The following CORO2B variants were observed in gnomAD, a reference collection of about 807,000 sequenced individuals.
CORO2B encodes coronin-2B.
In CORO2B, 26 loss-of-function variants were observed where a neutral mutation model predicts 58.8. The ratio of observed to expected loss-of-function variants is 0.44; its 90% CI spans 0.32 to 0.61. CORO2B has a LOEUF of 0.61. CORO2B is among the 20% of genes least tolerant of loss of function. CORO2B has a pLI of 0.04. For missense variants in CORO2B, 460 were observed against 645.1 expected (o/e 0.71, Z 3.11); for synonymous variants, 242 against 253.8 (o/e 0.95, Z 0.44).
Position 68,680,071 on chromosome 15 carries a change from C to T in CORO2B, c.217-15069C>T, listed in dbSNP as rs75453902. Among the ~76,000 whole-genome samples, 449 of 151,704 alleles carry T rather than the reference C, an allele frequency of 3.0e-3. 13 individuals are homozygous for T. The East Asian group carries it at 0.077, about 26-fold the overall frequency. On this transcript the variant is annotated intron_variant, in intron 2 of 11. Transcript: ENST00000261861. ...GCACTGGGCCCCCGCAGAGTGTGCA[C>T]GCTCTTGGTGGATGGCGGTTCTCTC...
At chr15:68,539,678 T>C in the CORO2B span, among the ~76,000 whole-genome samples, 2 of 152,014 alleles carry the variant, frequency 1.3e-5, no homozygotes, top group East Asian at 1.9e-4. Flanking sequence ...TAAATAATAG[T>C]AATAATAATA....
At chr15:68,705,450 A>AAAGAAAAG (rs1408953496) in intron 3 of CORO2B, among the ~76,000 whole-genome samples, 3 of 151,296 alleles carry the variant, frequency 2.0e-5, no homozygotes, top group African/African-American at 7.3e-5. Flanking sequence ...AAAAAAAAAA[A>AAAGAAAAG]AAAAGAAAGT....
At chr15:68,612,749 C>G (rs896586506) in intron 1 of CORO2B, among the ~76,000 whole-genome samples, 1 of 152,242 alleles carries the variant, frequency 6.6e-6, no homozygotes, top group Admixed American at 6.5e-5. Flanking sequence ...CCGCAGTCTC[C>G]TCCTCTGCAA....
intron 3 of CORO2B, among the ~76,000 whole-genome samples, chr15:68,704,500 C>G (rs1026026590): frequency 1.2e-4 from 18 of 152,134 alleles, no homozygotes; most frequent in Non-Finnish European, 2.6e-4. Context: ...AAGGTCAGAG[C>G]CTGCATTCTA....
the CORO2B span, among the ~76,000 whole-genome samples, chr15:68,556,570 G>A: frequency 6.6e-6 from 1 of 152,270 alleles, no homozygotes; most frequent in South Asian, 2.1e-4. Flanking sequence ...CCCAAAGGCA[G>A]CTCCGCAGAG....
At chr15:68,554,963 C>T in the CORO2B span, among the ~76,000 whole-genome samples, 9 of 152,286 alleles carry the variant, frequency 5.9e-5, no homozygotes, top group Middle Eastern at 3.4e-3. Context: ...GCTGTGTGAG[C>T]GCAGAAAGGA....
At chr15:68,572,376 G>A in the CORO2B span, among the ~76,000 whole-genome samples, 1 of 152,182 alleles carries the variant, frequency 6.6e-6, no homozygotes. Context: ...TCCCTGCCAT[G>A]CTTGTAACCT....
At chr15:68,554,167 A>T in the CORO2B span, among the ~76,000 whole-genome samples, 1 of 152,060 alleles carries the variant, frequency 6.6e-6, no homozygotes, top group African/African-American at 2.4e-5. Context: ...ACAGAGAGGA[A>T]CCAAATAACA....
At chr15:68,704,403 T>A (rs913420983) in intron 3 of CORO2B, among the ~76,000 whole-genome samples, 5 of 152,010 alleles carry the variant, frequency 3.3e-5, no homozygotes, top group Non-Finnish European at 7.4e-5. Flanking sequence ...TTATAGCAGC[T>A]CTGCTGTATG....
At chr15:68,519,465 G>T in the CORO2B span, among the ~76,000 whole-genome samples, 1 of 152,070 alleles carries the variant, frequency 6.6e-6, no homozygotes, top group African/African-American at 2.4e-5. Flanking sequence ...ATTTTAGAAG[G>T]TGCACTCATA....
At chr15:68,615,938 T>C (rs1299096504) in intron 1 of CORO2B, among the ~76,000 whole-genome samples, 1 of 152,168 alleles carries the variant, frequency 6.6e-6, no homozygotes, top group East Asian at 1.9e-4. Context: ...GATAGAGACA[T>C]AAACTTTGCC....
chr15:68,610,264 C>T (rs1900216455), intron 1 of CORO2B, among the ~76,000 whole-genome samples: 3 of 152,184 alleles, frequency 2.0e-5, no homozygotes, highest in Admixed American at 2.0e-4. Context: ...GAGACAGGTT[C>T]TCTAGCGCCT....
At chr15:68,692,333 A>G (rs763692322) in intron 2 of CORO2B, among the ~76,000 whole-genome samples, 5 of 152,132 alleles carry the variant, frequency 3.3e-5, no homozygotes, top group Non-Finnish European at 7.3e-5. Context: ...GCGCAATGGC[A>G]CACGGCTTTG....
chr15:68,679,104 G>A (rs1046411346), intron 2 of CORO2B, among the ~76,000 whole-genome samples: 3 of 152,300 alleles, frequency 2.0e-5, no homozygotes, highest in African/African-American at 7.2e-5. Flanking sequence ...CTCTACTATG[G>A]GCCTGGCACC....
At chr15:68,641,562 G>A (rs762133516) in intron 1 of CORO2B, 14 of 985,238 alleles carry the variant, frequency 1.4e-5, no homozygotes, top group East Asian at 1.1e-4. Context: ...ACTGCGGGCC[G>A]CTGAGCGCTC....
At chr15:68,591,429 G>C (rs924999950) in intron 1 of CORO2B, among the ~76,000 whole-genome samples, 7 of 152,214 alleles carry the variant, frequency 4.6e-5, no homozygotes, top group Non-Finnish European at 8.8e-5. Flanking sequence ...GGACAGGCAG[G>C]CAGGGGCCAT....
At chr15:68,620,664 T>A (rs1007374247) in intron 1 of CORO2B, among the ~76,000 whole-genome samples, 2 of 152,212 alleles carry the variant, frequency 1.3e-5, no homozygotes, top group Non-Finnish European at 2.9e-5. Flanking sequence ...TCTCATTCCT[T>A]TTTTTAATCT....
chr15:68,614,061 T>C (rs1595968554), intron 1 of CORO2B, among the ~76,000 whole-genome samples: 1 of 152,206 alleles, frequency 6.6e-6, no homozygotes, highest in East Asian at 1.9e-4. Context: ...TGCATTGGAA[T>C]CTCTTGGGTG....
chr15:68,714,036 G>T lies in CORO2B; in HGVS notation c.760G>T (p.Asp254Tyr). ...RWNTRQIALWDQEDLSMPLIE... is the reference protein window; with the variant it reads ...RWNTRQIALWYQEDLSMPLIE... ...GAACACAAGACAGATTGCCCTCTGG[G>T]ACCAGGTCAGCCACGGGGAGGCCTG... Residue 254 changes from aspartate (D) to tyrosine (Y), a missense_variant, in exon 6 of 12, where the codon GAC becomes TAC. Asp to Tyr is a radical substitution (Grantham distance 160). This residue lies in a region of CORO2B where 352 missense variants were observed against 543.0 expected (regional missense o/e 0.65). Coordinates refer to ENST00000261861, the MANE Select transcript of CORO2B (RefSeq NM_006091.5). 1 of 1,611,322 alleles carries T rather than the reference G, an allele frequency of 6.2e-7. No individual in the cohort carries two copies. The highest frequency in any genetic ancestry group is 1.1e-5 in the South Asian group (1 of 90,996).
Sources: gnomAD v4.1 joint callset for allele counts (sites outside exome capture counted in the v4.1 genomes callset) on GRCh38, gnomAD v4.1.1 for gene constraint, gnomAD v4.1.1 regional missense constraint, MANE v1.5 for transcripts, NCBI Gene and HGNC (gene_info 2026-07-23, HGNC 2026-07-21) for gene names.